The following KIAA0232 variants were observed in gnomAD, a reference collection of about 807,000 sequenced individuals.
The protein encoded by KIAA0232 is uncharacterized protein KIAA0232.
In KIAA0232, 27 loss-of-function variants were observed where a neutral mutation model predicts 122.0. The observed-to-expected ratio is 0.22, with a 90% CI of 0.16 to 0.31. KIAA0232 has a LOEUF of 0.31. Among genes scored for constraint, KIAA0232 ranks in the 10% least tolerant of loss-of-function variants. KIAA0232 has a pLI of 1.00. For synonymous variants in KIAA0232, 613 were observed against 587.6 expected (o/e 1.04, Z -0.63); for missense variants, 1,551 against 1,634.2 (o/e 0.95, Z 0.88).
intron 3 of KIAA0232, among the ~76,000 whole-genome samples, chr4:6,834,618 A>T (rs1246116691): frequency 1.3e-5 from 2 of 152,150 alleles, no homozygotes; most frequent in East Asian, 1.9e-4. Context: ...GGTCACTATA[A>T]TATTTCTGGA....
chr4:6,805,384 C>T (rs1221822126), intron 2 of KIAA0232, among the ~76,000 whole-genome samples: 4 of 152,056 alleles, frequency 2.6e-5, no homozygotes, highest in African/African-American at 7.2e-5. Flanking sequence ...TCAGATAATC[C>T]ATATAAACTT....
chr4:6,871,544 C>A (rs748249750), intron 7 of KIAA0232, 30 bp from the exon 8 acceptor site: 3 of 1,288,632 alleles, frequency 2.3e-6, no homozygotes. Flanking sequence ...AGTTTATAAA[C>A]TTTTTCTGTA....
chr4:6,796,247 C>CTT (rs963023851), intron 1 of KIAA0232, among the ~76,000 whole-genome samples: 4 of 146,394 alleles, frequency 2.7e-5, no homozygotes, highest in South Asian at 2.2e-4. Flanking sequence ...CTATATTGTT[C>CTT]TTTTTTTTTT....
At chr4:6,797,352 G>C (rs1461023650) in intron 1 of KIAA0232, among the ~76,000 whole-genome samples, 1 of 152,192 alleles carries the variant, frequency 6.6e-6, no homozygotes, top group African/African-American at 2.4e-5. Flanking sequence ...GTTCAGGCCT[G>C]TCATCTTCTC....
At chr4:6,806,244 A>G (rs1007499888) in intron 2 of KIAA0232, among the ~76,000 whole-genome samples, 3 of 152,230 alleles carry the variant, frequency 2.0e-5, no homozygotes, top group Admixed American at 6.5e-5. Context: ...CTAAATGTCT[A>G]CATTGGTTAT....
In KIAA0232 at chr4:6,861,715, G is replaced by C. The variant is rs1312081031; in HGVS notation, c.1333G>C (p.Val445Leu). 4.3e-6 allele frequency: 7 copies of C among 1,614,174 alleles called. 1 individual carries two copies. The South Asian group carries it at 4.4e-5, about 10-fold the overall frequency. The change falls in exon 7 of 10, where the codon GTG (valine) becomes CTG (leucine). Residue 445 changes from valine to leucine, a missense_variant. Transcript: ENST00000307659. Reference protein sequence around the residue: ...SEAVEELSESVHGLCISNNNL... With the variant: ...SEAVEELSESLHGLCISNNNL... ...GGCAGTGGAAGAATTGTCTGAATCA[G>C]TGCATGGTCTTTGTATCAGCAACAA...
intron 1 of KIAA0232, among the ~76,000 whole-genome samples, chr4:6,791,315 CTTTTTTTTT>C (rs10716163): frequency 2.2e-4 from 18 of 82,668 alleles, no homozygotes; most frequent in East Asian, 7.5e-4. Flanking sequence ...GTCATAAAGC[CTTTTTTTTT>C]TTTTTTTTTT....
chr4:6,846,017 T>C (rs13105569), intron 4 of KIAA0232, among the ~76,000 whole-genome samples: 131,499 of 151,946 alleles, frequency 0.87, 57,184 homozygotes, highest in Non-Finnish European at 0.91. Context: ...TTTCCTTTGC[T>C]TGGCTGTCAT....
chr4:6,786,497 C>A (rs925574937), intron 1 of KIAA0232, among the ~76,000 whole-genome samples: 1 of 152,012 alleles, frequency 6.6e-6, no homozygotes, highest in East Asian at 1.9e-4. Flanking sequence ...TTTGTAGAAA[C>A]GGGTCTCCCT....
chr4:6,876,804 C>T, intron 9 of KIAA0232, 47 bp downstream of exon 9: 1 of 1,317,648 alleles, frequency 7.6e-7, no homozygotes, highest in Non-Finnish European at 1.1e-6. Flanking sequence ...AAACAGCCAC[C>T]ACCTCCAGTT....
chr4:6,828,985 C>T (rs983689495), intron 3 of KIAA0232, among the ~76,000 whole-genome samples: 2 of 151,800 alleles, frequency 1.3e-5, no homozygotes, highest in Admixed American at 6.6e-5. Context: ...AGTTTTCTCC[C>T]TCATCTAGTA....
At chr4:6,828,987 C>T (rs957899462) in intron 3 of KIAA0232, among the ~76,000 whole-genome samples, 5 of 151,860 alleles carry the variant, frequency 3.3e-5, no homozygotes, top group Admixed American at 3.3e-4. Flanking sequence ...TTTTCTCCCT[C>T]ATCTAGTATC....
chr4:6,847,770 T>A (rs569426728), intron 4 of KIAA0232, among the ~76,000 whole-genome samples: 3 of 152,096 alleles, frequency 2.0e-5, no homozygotes, highest in Non-Finnish European at 4.4e-5. Flanking sequence ...GTGATTATTA[T>A]CCTAAGCTGT....
chr4:6,839,381 C>G (rs542933706), intron 3 of KIAA0232, among the ~76,000 whole-genome samples: 1 of 152,310 alleles, frequency 6.6e-6, no homozygotes, highest in South Asian at 2.1e-4. Flanking sequence ...CTTCCCAAGA[C>G]ACCATTAACA....
intron 1 of KIAA0232, among the ~76,000 whole-genome samples, chr4:6,784,203 C>G (rs1019729619): frequency 1.3e-5 from 2 of 151,710 alleles, no homozygotes; most frequent in African/African-American, 4.8e-5. Context: ...GGGTTGGATA[C>G]TTTGACTTAC....
In KIAA0232 at chr4:6,834,941, T is replaced by C. The variant is rs1327039208; in HGVS notation, c.232-7126T>C. 2.0e-5 allele frequency among the ~76,000 whole-genome samples: 3 copies of C among 152,200 alleles called. No individual in the cohort carries two copies. The East Asian group carries it at 5.8e-4, about 29-fold the overall frequency. On this transcript the variant is annotated intron_variant, in intron 3 of 9. Transcript: ENST00000307659. ...TTGCCCAAGAAACTGCCCCAAAACT[T>C]AGTAGCATTAAAACAACAACAACAA...
chr4:6,815,359 C>T (rs1291784928), intron 2 of KIAA0232, among the ~76,000 whole-genome samples: 2 of 152,120 alleles, frequency 1.3e-5, no homozygotes, highest in Non-Finnish European at 2.9e-5. Context: ...ACCAACATAC[C>T]TAGGAGTCTC....
At chr4:6,783,152 G>A (rs964892786) in intron 1 of KIAA0232, among the ~76,000 whole-genome samples, 10 of 151,928 alleles carry the variant, frequency 6.6e-5, no homozygotes, top group Non-Finnish European at 1.0e-4. Flanking sequence ...TCCGGGGCCA[G>A]CCTAAGGGAG....
At chr4:6,841,677 AGGAAT>A (rs1719670000) in intron 3 of KIAA0232, among the ~76,000 whole-genome samples, 1 of 152,218 alleles carries the variant, frequency 6.6e-6, no homozygotes, top group South Asian at 2.1e-4. Context: ...GAAAATCCTA[AGGAAT>A]GAAATTAAGA....
Sources: gnomAD v4.1 joint callset for allele counts (sites outside exome capture counted in the v4.1 genomes callset) on GRCh38, gnomAD v4.1.1 for gene constraint, MANE v1.5 for transcripts, NCBI Gene and HGNC (gene_info 2026-07-23, HGNC 2026-07-21) for gene names.